The following SCMH1 variants were observed in gnomAD, a reference collection of about 807,000 sequenced individuals.
The protein encoded by SCMH1 is polycomb protein SCMH1.
SCMH1 carries 37 observed loss-of-function variants against 70.8 expected under a neutral mutation model. The ratio of observed to expected loss-of-function variants is 0.52; its 90% confidence interval spans 0.40 to 0.69. The LOEUF is 0.69. Ranked by LOEUF, SCMH1 falls within the 30% of genes least tolerant of loss-of-function variation. SCMH1 has a pLI of 0.00. For synonymous variants in SCMH1, 292 were observed against 307.4 expected (o/e 0.95, Z 0.52); for missense variants, 607 against 827.3 (o/e 0.73, Z 3.27).
intron 9 of SCMH1, among the ~76,000 whole-genome samples, chr1:41,074,953 C>T (rs1476777871): frequency 6.6e-6 from 1 of 152,224 alleles, no homozygotes; most frequent in Non-Finnish European, 1.5e-5. Flanking sequence ...AGCTCCACCT[C>T]CCGGGTTCAC....
At chr1:41,118,740 C>CA (rs1223790471) in intron 6 of SCMH1, among the ~76,000 whole-genome samples, 5 of 152,188 alleles carry the variant, frequency 3.3e-5, no homozygotes, top group African/African-American at 1.2e-4. Context: ...TTAGGTCTTC[C>CA]AATTAGAGCC....
intron 2 of SCMH1, among the ~76,000 whole-genome samples, chr1:41,163,671 G>A (rs779469933): frequency 1.3e-5 from 2 of 152,164 alleles, no homozygotes; most frequent in Non-Finnish European, 2.9e-5. Context: ...TGAGGCCTCA[G>A]AAGAAAGAAA....
At chr1:41,164,331 C>A (rs1490195862) in intron 2 of SCMH1, among the ~76,000 whole-genome samples, 3 of 152,072 alleles carry the variant, frequency 2.0e-5, no homozygotes, top group Middle Eastern at 3.4e-3. Context: ...GAAATCATAC[C>A]ACATTTCTAC....
chr1:41,033,606 C>T (rs1032277531), intron 13 of SCMH1, among the ~76,000 whole-genome samples: 1 of 152,160 alleles, frequency 6.6e-6, no homozygotes, highest in Admixed American at 6.5e-5. Context: ...TCAAGGAGGG[C>T]TTGTTGTCTC....
intron 11 of SCMH1, 148 bp downstream of exon 11, chr1:41,048,542 G>C (rs572879089): frequency 9.8e-5 from 69 of 707,028 alleles, no homozygotes; most frequent in South Asian, 2.6e-4. Flanking sequence ...GGGGCTCTTG[G>C]GGGGTTGGAG....
chr1:41,228,399 A>C (rs1660670105), intron 1 of SCMH1, among the ~76,000 whole-genome samples: 1 of 152,212 alleles, frequency 6.6e-6, no homozygotes, highest in African/African-American at 2.4e-5. Context: ...TTGAAATGGC[A>C]AATTTTATGT....
chr1:41,030,544 C>A (rs939090089), intron 13 of SCMH1, among the ~76,000 whole-genome samples: 1 of 152,220 alleles, frequency 6.6e-6, no homozygotes, highest in African/African-American at 2.4e-5. Context: ...ATGCCTGACT[C>A]CTTCTCAACA....
intron 1 of SCMH1, among the ~76,000 whole-genome samples, chr1:41,200,342 TG>T (rs1654020348): frequency 6.6e-6 from 1 of 151,948 alleles, no homozygotes; most frequent in African/African-American, 2.4e-5. Context: ...TAGCTGGGTG[TG>T]GTGGTAGGCA....
At position 41,107,279 on chromosome 1, in the gene SCMH1, T is replaced by C. The variant is rs543896477; in HGVS notation, c.745+6004A>G. On this transcript the variant is annotated intron_variant, in intron 8 of 14. Transcript: ENST00000337495. ...TAGGTTGGGGTCCCTCTGTACTTTA[T>C]TCCTCCAAAGTCGTACTTTATTGGT... Among the ~76,000 whole-genome samples, 181 of 152,016 alleles carry C rather than the reference T, an allele frequency of 1.2e-3. 5 individuals are homozygous for C. The highest frequency in any genetic ancestry group is 4.1e-3 in the African/African-American group (171 of 41,282).
chr1:41,068,645 A>G (rs1260201595), intron 10 of SCMH1, among the ~76,000 whole-genome samples: 1 of 152,088 alleles, frequency 6.6e-6, no homozygotes, highest in Non-Finnish European at 1.5e-5. Context: ...GCCTCAAGTA[A>G]TCCGTCCGTC....
In SCMH1 at chr1:41,086,488, G is replaced by C. The variant is rs530559835; in HGVS notation, c.746-11037C>G. 2.6e-5 allele frequency among the ~76,000 whole-genome samples: 4 copies of C among 152,236 alleles called. No individual in the cohort carries two copies. In the South Asian group the frequency reaches 8.3e-4, roughly 32 times the overall value. On this transcript the variant is annotated intron_variant, in intron 8 of 14. Coordinates refer to ENST00000337495, the Ensembl canonical transcript of SCMH1. The stretch of plus-strand genomic sequence containing the variant: ...ATTTTTCAATATCATCAAGTTGTTA[G>C]TTCTAAGTTAACTTACAAACTTAAT...
intron 1 of SCMH1, among the ~76,000 whole-genome samples, chr1:41,234,453 C>CTT (rs66686109): frequency 2.2e-4 from 11 of 49,424 alleles, no homozygotes; most frequent in African/African-American, 8.9e-4. Context: ...AACTCTGCCT[C>CTT]TTTTTTTTTT....
At chr1:41,069,331 T>TA (rs1655692656) in intron 10 of SCMH1, among the ~76,000 whole-genome samples, 1 of 152,040 alleles carries the variant, frequency 6.6e-6, no homozygotes, top group African/African-American at 2.4e-5. Flanking sequence ...GAAAAATAAC[T>TA]AAAAAAGACA....
intron 1 of SCMH1, among the ~76,000 whole-genome samples, chr1:41,201,845 T>A (rs1471390620): frequency 6.6e-6 from 1 of 152,098 alleles, no homozygotes; most frequent in Admixed American, 6.5e-5. Context: ...GAACAAGCAA[T>A]CTAAACAGCT....
chr1:41,030,218 AAAC>A (rs1397090871), intron 13 of SCMH1, among the ~76,000 whole-genome samples: 1 of 151,894 alleles, frequency 6.6e-6, no homozygotes, highest in African/African-American at 2.4e-5. Context: ...GTCTCAAAAA[AAAC>A]AAAAACAAAA....
At chr1:41,146,431 C>A (rs183334) in intron 5 of SCMH1, among the ~76,000 whole-genome samples, 114,280 of 152,008 alleles carry the variant, frequency 0.75, 43,536 homozygotes, top group African/African-American at 0.87. Context: ...GACAGTGGTA[C>A]GCAGTTCACC....
At chr1:41,150,507 CA>C (rs1212435951) in intron 5 of SCMH1, among the ~76,000 whole-genome samples, 1 of 151,848 alleles carries the variant, frequency 6.6e-6, no homozygotes, top group African/African-American at 2.4e-5. Flanking sequence ...TGTCTCAAAA[CA>C]AAACAAAACA....
intron 4 of SCMH1, chr1:41,159,591 G>T: frequency 9.8e-7 from 1 of 1,020,244 alleles, no homozygotes; most frequent in South Asian, 2.9e-5. Flanking sequence ...ATAGGAATTT[G>T]AACCTTGGTT....
chr1:41,180,430 T>C (rs1648396896), intron 2 of SCMH1, among the ~76,000 whole-genome samples: 1 of 152,236 alleles, frequency 6.6e-6, no homozygotes, highest in South Asian at 2.1e-4. Flanking sequence ...AAATTGTCCC[T>C]GTTTGCAGAG....
Sources: gnomAD v4.1 joint callset for allele counts (sites outside exome capture counted in the v4.1 genomes callset) on GRCh38, gnomAD v4.1.1 for gene constraint, MANE v1.5 for transcripts, NCBI Gene and HGNC (gene_info 2026-07-23, HGNC 2026-07-21) for gene names.